COL16A1: variants seen among roughly 807,000 people sequenced by gnomAD.
COL16A1 encodes collagen alpha-1(XVI) chain.
Under a neutral mutation model 266.3 loss-of-function variants are expected in COL16A1, and 189 were observed. The observed-to-expected ratio is 0.71, with a 90% CI of 0.63 to 0.80. The LOEUF is 0.80. COL16A1 is among the 30% of genes least tolerant of loss of function. The pLI is 0.00. For missense variants in COL16A1, 1,928 were observed against 2,122.4 expected, an observed-to-expected ratio of 0.91 and a Z score of 1.80; for synonymous variants, 740 against 782.3, an observed-to-expected ratio of 0.95 and a Z score of 0.90.
chr1:31,662,759 T>A, intron 56 of COL16A1, 101 bp from the exon 57 acceptor site: 1 of 1,240,134 alleles, frequency 8.1e-7, no homozygotes, highest in Non-Finnish European at 1.1e-6. Context: ...TCCTGGTGAC[T>A]GCTGGAAACA....
chr1:31,653,770 CACACAT>C (rs1307036282), intron 69 of COL16A1, 91 bp downstream of exon 69: 58 of 1,570,844 alleles, frequency 3.7e-5, no homozygotes, highest in East Asian at 3.2e-4. Context: ...CACACACACA[CACACAT>C]ACATCCCATA....
At chr1:31,684,049 G>C in intron 32 of COL16A1, 46 bp from the exon 33 acceptor site, 1 of 1,613,724 alleles carries the variant, frequency 6.2e-7, no homozygotes, top group African/African-American at 1.3e-5. Flanking sequence ...GGAGAAAGGG[G>C]GACAGGAGGG....
chr1:31,668,792 T>G lies in COL16A1; in HGVS notation c.3249+10A>C. 2 of 1,613,840 alleles carry G rather than the reference T, an allele frequency of 1.2e-6. No individual in the cohort carries two copies. The highest frequency in any genetic ancestry group is 1.7e-6 in the Non-Finnish European group (2 of 1,179,930). On this transcript the variant is annotated intron_variant, in intron 50 of 70. Transcript: ENST00000373672. The surrounding 1 kb of genome is among the most constrained non-coding windows in gnomAD (Gnocchi z 5.8). The stretch of plus-strand genomic sequence containing the variant: ...CCAGCCCTTTCCAGCCCCTGCCAGC[T>G]TCTTCTTACCGGCTCCCCCTTGTCT...
At position 31,688,689 on chromosome 1, in the gene COL16A1, C is replaced by G. The variant is rs553039348; in HGVS notation, c.1767+172G>C. On this transcript the variant is annotated intron_variant, in intron 25 of 70. Transcript: ENST00000373672. The surrounding 1 kb of genome is among the most constrained non-coding windows in gnomAD (Gnocchi z 4.9). The stretch of plus-strand genomic sequence containing the variant: ...TAAGAGGAAGTTCCAGGGCAAGGAG[C>G]CTGGGGCAGCACAGGGACGGAGGGA... 6 of 1,078,854 alleles carry G rather than the reference C, an allele frequency of 5.6e-6. No homozygotes were observed. Among genetic ancestry groups the G allele is most frequent in the Non-Finnish European group, 8.2e-6 (6 of 729,390 alleles). The allele number at this position is 1,078,854 out of a possible 1,614,324, so 66.8% of individuals were successfully genotyped here. A position where few individuals can be genotyped will look rare whatever the true frequency, so the allele number is the denominator to read the frequency against.
At chr1:31,689,228 C>A in intron 23 of COL16A1, 143 bp from the exon 24 acceptor site, 2 of 1,358,268 alleles carry the variant, frequency 1.5e-6, no homozygotes, top group Non-Finnish European at 1.0e-6. Context: ...GCCAGCACCC[C>A]AGAGGCAGGG....
rs2148828724 is a variant in COL16A1, at chr1:31,698,351, C to G, written c.390+132G>C. ...AAAGAATGAGGTAGGTACTGGTGGG[C>G]TGGGGACAGGCTTGAGGGTAGGCAC... On this transcript the variant is annotated intron_variant, in intron 5 of 70. Coordinates refer to ENST00000373672, the MANE Select transcript of COL16A1 (RefSeq NM_001856.4). The surrounding 1 kb of genome is among the most constrained non-coding windows in gnomAD (Gnocchi z 4.1). 1 of 1,530,054 alleles carries G rather than the reference C, an allele frequency of 6.5e-7. No homozygotes were observed. Among genetic ancestry groups the G allele is most frequent in the East Asian group, 2.3e-5 (1 of 44,382 alleles). 94.8% of individuals were successfully genotyped at this position (1,530,054 alleles called of 1,614,324 possible).
rs993480073 is a variant in COL16A1, at chr1:31,698,272, C to G, written c.391-100G>C. On this transcript the variant is annotated intron_variant, in intron 5 of 70. Coordinates refer to ENST00000373672, the MANE Select transcript of COL16A1 (RefSeq NM_001856.4). The surrounding 1 kb of genome is among the most constrained non-coding windows in gnomAD (Gnocchi z 4.1). ...TTGAACTCATTTCACAGGAGGGGAACTGAGGCCCAGAAAGAGAAGAAAGCC... is the reference window on the plus strand; with the variant it reads ...TTGAACTCATTTCACAGGAGGGGAAGTGAGGCCCAGAAAGAGAAGAAAGCC... 2.6e-6 allele frequency: 4 copies of G among 1,553,380 alleles called. No homozygotes were observed. The highest frequency in any genetic ancestry group is 3.5e-6 in the Non-Finnish European group (4 of 1,152,900).
chr1:31,656,517 G>A lies in COL16A1; in HGVS notation c.4057-73C>T. ...GGCTCCCTGGGGAGGCAGGTGCAGT[G>A]AAGAGGCCCCTTCCACAGCCTGAGG... On this transcript the variant is annotated intron_variant, in intron 65 of 70. Coordinates refer to ENST00000373672, the MANE Select transcript of COL16A1 (RefSeq NM_001856.4). The surrounding 1 kb of genome is among the most constrained non-coding windows in gnomAD (Gnocchi z 4.2). The A allele has an allele frequency of 6.3e-7, 1 of 1,575,422 alleles. No individual in the cohort carries two copies.
intron 12 of COL16A1, among the ~76,000 whole-genome samples, 182 bp downstream of exon 12, chr1:31,693,962 T>C (rs1250972417): frequency 6.6e-6 from 1 of 152,198 alleles, no homozygotes; most frequent in African/African-American, 2.4e-5. Flanking sequence ...AAAGGGCAGC[T>C]CTTAGCATCT....
intron 47 of COL16A1, 46 bp from the exon 48 acceptor site, chr1:31,671,705 T>C (rs368501541): frequency 3.6e-5 from 58 of 1,612,168 alleles, no homozygotes; most frequent in Middle Eastern, 1.7e-4. Context: ...CCAGGCCCCA[T>C]AGAGCCCCTG....
chr1:31,658,836 A>G, intron 63 of COL16A1, 78 bp downstream of exon 63: 1 of 1,493,844 alleles, frequency 6.7e-7, no homozygotes, highest in Non-Finnish European at 9.1e-7. Flanking sequence ...CCATCCCCCC[A>G]GCTTCCTCTG....
Position 31,685,641 on chromosome 1 carries a change from G to A in COL16A1, c.2014C>T (p.Gln672Ter), listed in dbSNP as rs759358868. 1 of 1,613,616 alleles carries A rather than the reference G, an allele frequency of 6.2e-7. No individual in the cohort carries two copies. ...CCCCTGCCTATATCCCACCTCACCTGTTTTCCTGGCAAGCCAAAGCCTGGA... is the reference window on the plus strand; with the variant it reads ...CCCCTGCCTATATCCCACCTCACCTATTTTCCTGGCAAGCCAAAGCCTGGA... ...GPPGFGLPGK[Q>*]GKAGERGLKG... is the part of the protein sequence containing the mutation. The change falls in exon 29 of 71, where the codon CAG becomes TAG. Residue 672 changes from glutamine (Q) to a stop codon, truncating the protein, a stop_gained and splice_region_variant. Transcript: ENST00000373672. LOFTEE classifies it high-confidence loss of function. The surrounding 1 kb of genome is among the most constrained non-coding windows in gnomAD (Gnocchi z 4.0).
chr1:31,662,557 G>A (rs774949051), intron 57 of COL16A1, 30 bp downstream of exon 57: 52 of 1,557,944 alleles, frequency 3.3e-5, no homozygotes, highest in African/African-American at 1.8e-4. Context: ...CATCGCACAC[G>A]TCTGCCACGC....
chr1:31,669,820 T>C (rs1557633281), intron 49 of COL16A1: 1 of 152,172 alleles, frequency 6.6e-6, no homozygotes, highest in African/African-American at 2.4e-5. Flanking sequence ...CCTGTGACGA[T>C]GACGAAGGCA....
intron 36 of COL16A1, 55 bp from the exon 37 acceptor site, chr1:31,683,057 C>T: frequency 6.2e-7 from 1 of 1,612,508 alleles, no homozygotes; most frequent in East Asian, 2.2e-5. Context: ...CCAGCTACAA[C>T]CCAGCAGGTA....
In COL16A1 at chr1:31,698,205, A is replaced by T. The variant is rs1351741183; in HGVS notation, c.391-33T>A. ...GAATTTGGAAAGGGAAAGGACAGAG[A>T]TTCAGAGCTCCAGAGTCACACCATG... On this transcript the variant is annotated intron_variant, in intron 5 of 70. Coordinates refer to ENST00000373672, the MANE Select transcript of COL16A1 (RefSeq NM_001856.4). The surrounding 1 kb of genome is among the most constrained non-coding windows in gnomAD (Gnocchi z 4.1). 6.2e-7 allele frequency: 1 copy of T among 1,610,608 alleles called. No homozygotes were observed. Among genetic ancestry groups the T allele is most frequent in the South Asian group, 1.1e-5 (1 of 90,772 alleles).
In COL16A1 at chr1:31,684,102, A is replaced by C; in HGVS notation, c.2283+7T>G. On this transcript the variant is annotated splice_region_variant and intron_variant, in intron 32 of 70. Transcript: ENST00000373672. ...GGCAGGGAAGGGCCGGAGGGCAGGC[A>C]ACTCACGGGTTTACCAGGTCGGCCC... 4 of 1,599,036 alleles carry C rather than the reference A, an allele frequency of 2.5e-6. No individual in the cohort carries two copies.
At position 31,690,554 on chromosome 1, in the gene COL16A1, C is replaced by G; in HGVS notation, c.1457G>C (p.Gly486Ala). The G allele has an allele frequency of 6.2e-7, 1 of 1,613,888 alleles. No individual in the cohort carries two copies. Among genetic ancestry groups the G allele is most frequent in the South Asian group, 1.1e-5 (1 of 91,070 alleles). ...AGGTTTCCCACCAGGGCCTTCCTTTCCTGGGATCCCCGAGCTGCCCTGTGG... is the reference window on the plus strand; with the variant it reads ...AGGTTTCCCACCAGGGCCTTCCTTTGCTGGGATCCCCGAGCTGCCCTGTGG... ...KGDKGSSGIP[G>A]KEGPGGKPGK... Residue 486 changes from glycine to alanine, a missense_variant, in exon 21 of 71, where the codon GGA (glycine) becomes GCA (alanine). This residue lies in a region of COL16A1 where 1,552 missense variants were observed against 1,637.2 expected (regional missense o/e 0.95). Coordinates refer to ENST00000373672, the MANE Select transcript of COL16A1 (RefSeq NM_001856.4).
chr1:31,659,954 C>CTTTTTTTTTTT (rs386366633), intron 62 of COL16A1: 4 of 97,058 alleles, frequency 4.1e-5, no homozygotes, highest in Non-Finnish European at 6.3e-5. Context: ...CCTGAGAGTT[C>CTTTTTTTTTTT]TTTTTTTTTT....
Sources: allele counts gnomAD v4.1 joint callset (sites outside exome capture counted in the v4.1 genomes callset), GRCh38; gene constraint gnomAD v4.1.1; regional missense constraint gnomAD v4.1.1; non-coding constraint Gnocchi (gnomAD v3.1); transcripts MANE v1.5; gene names NCBI Gene and HGNC (gene_info 2026-07-23, HGNC 2026-07-21).